The following PCDH15 variants were observed in gnomAD, a reference collection of about 807,000 sequenced individuals.
The protein encoded by PCDH15 is protocadherin related 15.
A neutral mutation model predicts 178.5 loss-of-function variants in PCDH15; 129 were observed. That is an observed-to-expected ratio of 0.72 (90% CI 0.63 to 0.84). The LOEUF (loss-of-function observed/expected upper bound fraction) is 0.84, where lower values mean the gene tolerates loss of function less well. Ranked by LOEUF, PCDH15 falls within the 40% of genes least tolerant of loss-of-function variation. The pLI is 0.00. For synonymous variants in PCDH15, 800 were observed against 732.0 expected (o/e 1.09, Z -1.50); for missense variants, 2,230 against 2,099.9 (o/e 1.06, Z -1.21).
At chr10:54,585,824 C>A (rs2091423855) in intron 2 of PCDH15, among the ~76,000 whole-genome samples, 1 of 152,080 alleles carries the variant, frequency 6.6e-6, no homozygotes. Context: ...TGTTCATGTG[C>A]TACAGCTCAT....
intron 8 of PCDH15, among the ~76,000 whole-genome samples, chr10:54,272,037 TTATA>T (rs35119108): frequency 0.14 from 21,050 of 145,712 alleles, 2,048 homozygotes; most frequent in South Asian, 0.23. Context: ...ATATAATATA[TTATA>T]TATATATATA....
At chr10:54,811,194 C>T (rs146977851) in intron 3 of PCDH15, among the ~76,000 whole-genome samples, 3,496 of 151,792 alleles carry the variant, frequency 0.023, 52 homozygotes, top group Middle Eastern at 0.066. Flanking sequence ...ACAACATAAA[C>T]AAATGTGAAC....
intron 3 of PCDH15, among the ~76,000 whole-genome samples, chr10:54,524,392 C>G (rs1224405253): frequency 3.9e-5 from 6 of 152,202 alleles, no homozygotes; most frequent in Non-Finnish European, 7.3e-5. Flanking sequence ...TTCTCCTTCT[C>G]TTTACGTAGC....
chr10:55,047,781 CT>C (rs550940306), intron 2 of PCDH15, among the ~76,000 whole-genome samples: 4 of 151,738 alleles, frequency 2.6e-5, no homozygotes, highest in Non-Finnish European at 4.4e-5. Context: ...TCTGAACCTA[CT>C]TTTTTTCAGT....
intron 2 of PCDH15, among the ~76,000 whole-genome samples, chr10:55,014,054 TAC>T (rs1233485950): frequency 2.0e-5 from 3 of 152,100 alleles, no homozygotes; most frequent in African/African-American, 7.2e-5. Context: ...AATAAATAAT[TAC>T]TTAAGGCAAA....
intron 2 of PCDH15, among the ~76,000 whole-genome samples, chr10:55,587,910 C>CA (rs1334681208): frequency 7.2e-5 from 11 of 151,742 alleles, no homozygotes; most frequent in South Asian, 2.1e-4. Flanking sequence ...TCAGTCATAT[C>CA]AAAAAAAGAA....
chr10:53,868,969 C>T (rs1167997017), intron 26 of PCDH15, among the ~76,000 whole-genome samples: 1 of 152,162 alleles, frequency 6.6e-6, no homozygotes, highest in East Asian at 1.9e-4. Context: ...AGGCACTCCA[C>T]TACGCCTGGC....
intron 1 of PCDH15, among the ~76,000 whole-genome samples, chr10:54,682,630 A>G (rs1393919540): frequency 6.6e-6 from 1 of 152,058 alleles, no homozygotes; most frequent in Non-Finnish European, 1.5e-5. Context: ...TCCTCTTTTT[A>G]TAATATCTGA....
chr10:54,692,925 A>G (rs2095152927), intron 1 of PCDH15, among the ~76,000 whole-genome samples: 1 of 152,100 alleles, frequency 6.6e-6, no homozygotes. Context: ...AACAACCACA[A>G]CAACAAAACA....
In PCDH15 at chr10:54,365,634, G is replaced by T. The variant is rs184294607; in HGVS notation, c.474+3486C>A. On this transcript the variant is annotated intron_variant, in intron 5 of 37. Coordinates refer to ENST00000644397, the MANE Select transcript of PCDH15 (RefSeq NM_001384140.1). ...GGGGTGAGATGAACCTCAAAAACCTGCCATCACTGTCGAGAAAGATTTGTC... is the reference window on the plus strand; with the variant it reads ...GGGGTGAGATGAACCTCAAAAACCTTCCATCACTGTCGAGAAAGATTTGTC... Among the ~76,000 whole-genome samples the T allele has an allele frequency of 2.1e-3, 315 of 152,100 alleles. 2 individuals carry two copies. The highest frequency in any genetic ancestry group is 6.8e-3 in the Middle Eastern group (2 of 294).
intron 10 of PCDH15, among the ~76,000 whole-genome samples, chr10:54,199,555 A>AAAC (rs200906404): frequency 5.9e-4 from 82 of 137,950 alleles, no homozygotes; most frequent in Middle Eastern, 3.9e-3. Flanking sequence ...TGTTGAATTT[A>AAAC]AACAACAACA....
intron 2 of PCDH15, among the ~76,000 whole-genome samples, chr10:55,476,949 C>T (rs556344321): frequency 6.6e-6 from 1 of 151,942 alleles, no homozygotes; most frequent in African/African-American, 2.4e-5. Context: ...TATTTCTGAC[C>T]TTCATGATGG....
intron 2 of PCDH15, among the ~76,000 whole-genome samples, chr10:55,438,017 T>G (rs1468287966): frequency 6.6e-6 from 1 of 151,858 alleles, no homozygotes; most frequent in Non-Finnish European, 1.5e-5. Context: ...GTATTTTTAG[T>G]AGACACGGGG....
At chr10:55,110,409 AGTC>A (rs1471834705) in intron 2 of PCDH15, among the ~76,000 whole-genome samples, 2 of 152,080 alleles carry the variant, frequency 1.3e-5, no homozygotes, top group African/African-American at 2.4e-5. Flanking sequence ...GTGAGAATGT[AGTC>A]GTTTAAAAAG....
Position 54,923,535 on chromosome 10 carries a change from C to T in PCDH15, c.-79-26035G>A, listed in dbSNP as rs560352484. Among the ~76,000 whole-genome samples the T allele has an allele frequency of 7.2e-4, 99 of 138,170 alleles. 9 individuals carry two copies. Among genetic ancestry groups the T allele is most frequent in the African/African-American group, 2.1e-3 (84 of 40,058 alleles). The allele number at this position is 138,170 out of a possible 152,430, so 90.6% of individuals were successfully genotyped here. A position where few individuals can be genotyped will look rare whatever the true frequency, so the allele number is the denominator to read the frequency against. ...ACGAATTCCAATTTCATGACCATTT[C>T]CTTGTGAGTACATGTGAGCTTATGC... On this transcript the variant is annotated intron_variant, in intron 2 of 5. Transcript: ENST00000458638.
At chr10:54,753,892 G>GT (rs760486573) in intron 1 of PCDH15, among the ~76,000 whole-genome samples, 7 of 118,228 alleles carry the variant, frequency 5.9e-5, no homozygotes, top group South Asian at 3.1e-4. Flanking sequence ...TTGTTTGTTT[G>GT]TGTTTTTTTT....
intron 32 of PCDH15, chr10:53,822,753 G>A (rs902963615): frequency 7.4e-6 from 12 of 1,614,096 alleles, no homozygotes; most frequent in Non-Finnish European, 1.0e-5. Flanking sequence ...TGAAGAGTCT[G>A]AAGAGAGAGA....
chr10:55,456,663 A>C (rs1839560779), intron 2 of PCDH15, among the ~76,000 whole-genome samples: 1 of 152,048 alleles, frequency 6.6e-6, no homozygotes, highest in South Asian at 2.1e-4. Flanking sequence ...TAAAAATAAA[A>C]TTACCTAAAA....
chr10:54,436,850 G>C (rs1465918062), intron 3 of PCDH15, among the ~76,000 whole-genome samples: 1 of 152,124 alleles, frequency 6.6e-6, no homozygotes, highest in Admixed American at 6.5e-5. Context: ...GGTGGAAAAT[G>C]CAAAGCATGA....
Sources: allele counts gnomAD v4.1 joint callset (sites outside exome capture counted in the v4.1 genomes callset), GRCh38; gene constraint gnomAD v4.1.1; transcripts MANE v1.5; gene names NCBI Gene and HGNC (gene_info 2026-07-23, HGNC 2026-07-21).